Variants in UBAC2 observed in about 807,000 individuals in gnomAD.
UBAC2 encodes the protein UBA domain containing 2, also known as ubiquitin-associated domain-containing protein 2.
UBAC2 carries 26 observed loss-of-function variants against 44.0 expected under a neutral mutation model. The observed-to-expected ratio is 0.59, with a 90% confidence interval of 0.43 to 0.82. UBAC2 has a LOEUF of 0.82. UBAC2 is among the 40% of genes least tolerant of loss of function. UBAC2 has a pLI of 0.00. For synonymous variants in UBAC2, 155 were observed against 154.3 expected (o/e 1.00, Z -0.04); for missense variants, 329 against 419.4 (o/e 0.78, Z 1.88).
intron 4 of UBAC2, chr13:99,255,870 C>T (rs1411105583): frequency 2.2e-5 from 34 of 1,541,904 alleles, no homozygotes; most frequent in Non-Finnish European, 2.9e-5. Context: ...TCAGGGTGAT[C>T]ATTTTACAGC....
At chr13:99,245,759 C>T (rs913717244) in intron 4 of UBAC2, among the ~76,000 whole-genome samples, 6 of 152,164 alleles carry the variant, frequency 3.9e-5, no homozygotes, top group African/African-American at 1.2e-4. Flanking sequence ...CACTTGAACC[C>T]GGGAGGCAGA....
chr13:99,280,396 T>C (rs942723004), intron 4 of UBAC2, among the ~76,000 whole-genome samples: 2 of 152,204 alleles, frequency 1.3e-5, no homozygotes, highest in Non-Finnish European at 2.9e-5. Flanking sequence ...ACAACATCCC[T>C]TCTCCCCTTT....
At chr13:99,356,309 C>A in intron 7 of UBAC2, 1 of 455,386 alleles carries the variant, frequency 2.2e-6, no homozygotes. Flanking sequence ...AATGCACAGG[C>A]AAGGCGTGTG....
chr13:99,200,868 C>T lies in UBAC2; in HGVS notation c.-41C>T, dbSNP rs1169567595. On this transcript the variant is annotated 5_prime_UTR_variant, in exon 1 of 9. Coordinates refer to ENST00000403766, the MANE Select transcript of UBAC2 (RefSeq NM_001144072.2). Reference sequence around the variant, plus strand: ...CGCTGGGGCTCGCACTTCAGCTTCCCCTCCCCCGGCGCCCTCTGGGGCTCC... The same window carrying T: ...CGCTGGGGCTCGCACTTCAGCTTCCTCTCCCCCGGCGCCCTCTGGGGCTCC... 2 of 1,288,262 alleles carry T rather than the reference C, an allele frequency of 1.6e-6. No individual in the cohort carries two copies. Among genetic ancestry groups the T allele is most frequent in the Non-Finnish European group, 2.0e-6 (2 of 1,008,650 alleles). 79.8% of individuals were successfully genotyped at this position (1,288,262 alleles called of 1,614,324 possible).
chr13:99,351,092 T>G (rs529054617), intron 7 of UBAC2, among the ~76,000 whole-genome samples: 25 of 152,334 alleles, frequency 1.6e-4, no homozygotes, highest in Admixed American at 4.6e-4. Context: ...GACTCAATCC[T>G]GGGTTGACAG....
chr13:99,225,639 T>C (rs1456515709), intron 1 of UBAC2, among the ~76,000 whole-genome samples: 1 of 152,184 alleles, frequency 6.6e-6, no homozygotes, highest in East Asian at 1.9e-4. Context: ...TAACAAACAC[T>C]CTTGACTGCC....
chr13:99,252,664 G>A (rs2043472718), intron 4 of UBAC2, among the ~76,000 whole-genome samples: 1 of 151,972 alleles, frequency 6.6e-6, no homozygotes, highest in Admixed American at 6.5e-5. Context: ...ATTTATATGT[G>A]GATGTTACAT....
In UBAC2 at chr13:99,270,667, A is replaced by T. The variant is rs73565992; in HGVS notation, c.389+26043A>T. The stretch of plus-strand genomic sequence containing the variant: ...GAAATTGATGGTTGATGGTGTGGAC[A>T]TGCACATGAGTTCTGAAGAAGAATA... On this transcript the variant is annotated intron_variant, in intron 4 of 8. Coordinates refer to ENST00000403766, the MANE Select transcript of UBAC2 (RefSeq NM_001144072.2). Among the ~76,000 whole-genome samples, 1,102 of 152,360 alleles carry T rather than the reference A, an allele frequency of 7.2e-3. 15 individuals carry two copies. The highest frequency in any genetic ancestry group is 0.025 in the African/African-American group (1,044 of 41,584).
chr13:99,220,308 A>G (rs182622127), intron 1 of UBAC2, among the ~76,000 whole-genome samples: 7 of 152,298 alleles, frequency 4.6e-5, no homozygotes, highest in Admixed American at 4.6e-4. Context: ...TTATTTCTTC[A>G]CCTAGAGAAT....
At chr13:99,277,927 T>A (rs180853670) in intron 4 of UBAC2, among the ~76,000 whole-genome samples, 2 of 152,282 alleles carry the variant, frequency 1.3e-5, no homozygotes, top group East Asian at 3.9e-4. Context: ...TCTTCTAATA[T>A]CTGCAGATAC....
intron 4 of UBAC2, among the ~76,000 whole-genome samples, chr13:99,250,593 T>C (rs1405155429): frequency 6.6e-6 from 1 of 152,222 alleles, no homozygotes; most frequent in African/African-American, 2.4e-5. Context: ...AATAATTTTT[T>C]CTAATTCTGT....
At chr13:99,249,202 CTCTAATAG>C (rs914204020) in intron 4 of UBAC2, among the ~76,000 whole-genome samples, 1 of 152,018 alleles carries the variant, frequency 6.6e-6, no homozygotes, top group Non-Finnish European at 1.5e-5. Context: ...CTTCTTCCCC[CTCTAATAG>C]TCTTCCGTGT....
chr13:99,368,688 A>AGTGTGTGTGTGTGTGTGTGTGTGT (rs35193753), intron 8 of UBAC2, among the ~76,000 whole-genome samples: 7 of 146,698 alleles, frequency 4.8e-5, no homozygotes, highest in East Asian at 2.0e-4. Flanking sequence ...CTCATGAGAG[A>AGTGTGTGTGTGTGTGTGTGTGTGT]GTGTGTGTGT....
At chr13:99,302,829 G>A (rs1861001696) in intron 4 of UBAC2, among the ~76,000 whole-genome samples, 1 of 152,178 alleles carries the variant, frequency 6.6e-6, no homozygotes, top group Admixed American at 6.5e-5. Flanking sequence ...ACAGTAGTCA[G>A]TACATGCCTC....
intron 4 of UBAC2, among the ~76,000 whole-genome samples, chr13:99,306,328 G>T (rs1467423746): frequency 6.6e-6 from 1 of 152,146 alleles, no homozygotes; most frequent in Non-Finnish European, 1.5e-5. Context: ...AGGCAATGTT[G>T]TAAGGACTTG....
At chr13:99,334,075 T>C (rs2044753736) in intron 6 of UBAC2, among the ~76,000 whole-genome samples, 1 of 152,142 alleles carries the variant, frequency 6.6e-6, no homozygotes, top group Non-Finnish European at 1.5e-5. Context: ...GCCTTCCAAG[T>C]ATCTGGGACT....
chr13:99,236,151 C>A (rs374072536), intron 1 of UBAC2, among the ~76,000 whole-genome samples: 2 of 152,292 alleles, frequency 1.3e-5, no homozygotes, highest in Middle Eastern at 6.8e-3. Flanking sequence ...TGGGCAAAGA[C>A]TTTTTGTGTA....
At chr13:99,347,048 CG>C (rs2044994449) in intron 7 of UBAC2, among the ~76,000 whole-genome samples, 2 of 152,216 alleles carry the variant, frequency 1.3e-5, no homozygotes, top group African/African-American at 4.8e-5. Context: ...GAAGCCCAGG[CG>C]GGCAGATTGC....
intron 6 of UBAC2, among the ~76,000 whole-genome samples, chr13:99,319,639 C>T (rs572343778): frequency 6.6e-6 from 1 of 152,344 alleles, no homozygotes; most frequent in South Asian, 2.1e-4. Context: ...TTCACATCTA[C>T]CCAGATACCT....
Sources: gnomAD v4.1 joint callset for allele counts (sites outside exome capture counted in the v4.1 genomes callset) on GRCh38, gnomAD v4.1.1 for gene constraint, MANE v1.5 for transcripts, NCBI Gene and HGNC (gene_info 2026-07-23, HGNC 2026-07-21) for gene names.